Variants in SLC38A12 observed in about 807,000 individuals in gnomAD.
SLC38A12 encodes putative sodium-coupled neutral amino acid transporter 12.
chr17:74,791,352 GC>G, the SLC38A12 span, among the ~76,000 whole-genome samples: 3 of 148,896 alleles, frequency 2.0e-5, no homozygotes, highest in African/African-American at 7.5e-5. Flanking sequence ...AGCTACTCCA[GC>G]GGAGGTCAGG....
At chr17:74,819,761 TCTC>T in the SLC38A12 span, 1 of 1,614,170 alleles carries the variant, frequency 6.2e-7, no homozygotes, top group South Asian at 1.1e-5. Context: ...CGATCTTCAC[TCTC>T]CTCCTCGGAC....
the SLC38A12 span, among the ~76,000 whole-genome samples, chr17:74,780,231 T>C: frequency 6.6e-6 from 1 of 152,208 alleles, no homozygotes; most frequent in East Asian, 1.9e-4. Flanking sequence ...TCTGTTTCCT[T>C]TGACAATTGT....
At chr17:74,810,057 G>A in the SLC38A12 span, among the ~76,000 whole-genome samples, 1 of 152,150 alleles carries the variant, frequency 6.6e-6, no homozygotes, top group Admixed American at 6.5e-5. Context: ...CACGCTGCTG[G>A]GACCTTCACT....
chr17:74,821,180 C>T, the SLC38A12 span, among the ~76,000 whole-genome samples: 2 of 152,252 alleles, frequency 1.3e-5, no homozygotes, highest in Non-Finnish European at 2.9e-5. Context: ...CAGCCTGTAA[C>T]TTCTTTGCCC....
chr17:74,781,587 T>G, the SLC38A12 span, among the ~76,000 whole-genome samples: 1 of 152,236 alleles, frequency 6.6e-6, no homozygotes, highest in Admixed American at 6.5e-5. Flanking sequence ...CCTAGAACTG[T>G]CACTTTCTTA....
chr17:74,803,413 C>T, the SLC38A12 span, among the ~76,000 whole-genome samples: 7 of 151,900 alleles, frequency 4.6e-5, no homozygotes, highest in South Asian at 2.1e-4. Flanking sequence ...GAGAGCTCCG[C>T]GGAGCTTGAT....
chr17:74,790,217 C>G, the SLC38A12 span: 1 of 1,614,134 alleles, frequency 6.2e-7, no homozygotes, highest in South Asian at 1.1e-5. Context: ...AAGATGACGA[C>G]TCCTCCACAG....
chr17:74,819,751 C>T, the SLC38A12 span: 41 of 1,613,948 alleles, frequency 2.5e-5, no homozygotes, highest in African/African-American at 1.9e-4. Flanking sequence ...ATCCCCCAGG[C>T]GATCTTCACT....
At chr17:74,789,490 A>C in the SLC38A12 span, among the ~76,000 whole-genome samples, 2 of 148,694 alleles carry the variant, frequency 1.3e-5, no homozygotes, top group Admixed American at 1.4e-4. Flanking sequence ...AGATTGTGCC[A>C]CTGCACTCCA....
At chr17:74,837,051 C>A in the SLC38A12 span, 1 of 1,048,854 alleles carries the variant, frequency 9.5e-7, no homozygotes, top group African/African-American at 1.7e-5. Flanking sequence ...AGTGCTGGCA[C>A]TGCCATCATT....
the SLC38A12 span, among the ~76,000 whole-genome samples, chr17:74,788,549 C>T: frequency 1.3e-5 from 2 of 152,318 alleles, no homozygotes; most frequent in South Asian, 4.1e-4. Flanking sequence ...GTTATTTTCC[C>T]TCCCATCACT....
the SLC38A12 span, among the ~76,000 whole-genome samples, chr17:74,800,852 G>A: frequency 6.6e-6 from 1 of 152,354 alleles, no homozygotes; most frequent in East Asian, 1.9e-4. Context: ...CAAGAAAGTG[G>A]ACAGGATAAG....
the SLC38A12 span, chr17:74,836,153 C>T: frequency 6.2e-7 from 1 of 1,613,682 alleles, no homozygotes; most frequent in Non-Finnish European, 8.5e-7. The surrounding 1 kb of genome is among the most constrained non-coding windows in gnomAD (Gnocchi z 4.2). Flanking sequence ...CCTTCTACGG[C>T]CTCCTCTCCT....
the SLC38A12 span, among the ~76,000 whole-genome samples, chr17:74,815,167 G>A: frequency 6.6e-5 from 10 of 152,098 alleles, no homozygotes; most frequent in African/African-American, 2.4e-4. Flanking sequence ...TGAGGGCATC[G>A]TCACCTGCAC....
At chr17:74,787,719 G>A in the SLC38A12 span, among the ~76,000 whole-genome samples, 1 of 151,970 alleles carries the variant, frequency 6.6e-6, no homozygotes, top group African/African-American at 2.4e-5. Flanking sequence ...TTATTAGCAG[G>A]AAGGCAGCCC....
chr17:74,781,108 A>G, the SLC38A12 span, among the ~76,000 whole-genome samples: 1 of 152,152 alleles, frequency 6.6e-6, no homozygotes, highest in African/African-American at 2.4e-5. Flanking sequence ...AACATCCCAC[A>G]ATGCACAGGA....
At chr17:74,834,431 C>T in the SLC38A12 span, among the ~76,000 whole-genome samples, 1 of 152,130 alleles carries the variant, frequency 6.6e-6, no homozygotes, top group Non-Finnish European at 1.5e-5. Context: ...CGCTCCCCTC[C>T]TCCCCTCCTG....
the SLC38A12 span, chr17:74,838,861 C>T: frequency 6.5e-7 from 1 of 1,531,278 alleles, no homozygotes; most frequent in Non-Finnish European, 8.7e-7. Context: ...AGTAGGCAAG[C>T]TCAGCTTGTG....
the SLC38A12 span, among the ~76,000 whole-genome samples, chr17:74,796,412 G>A: frequency 1.3e-5 from 2 of 152,334 alleles, no homozygotes; most frequent in East Asian, 1.9e-4. Context: ...ATTTGGAGCA[G>A]GGAGGCAGGG....
Sources: allele counts gnomAD v4.1 joint callset (sites outside exome capture counted in the v4.1 genomes callset), GRCh38; gene constraint gnomAD v4.1.1; non-coding constraint Gnocchi (gnomAD v3.1); transcripts MANE v1.5; gene names NCBI Gene and HGNC (gene_info 2026-07-23, HGNC 2026-07-21).